Variants in RARS2 observed in about 807,000 individuals in gnomAD.
The protein encoded by RARS2 is arginyl-tRNA synthetase 2, mitochondrial, also known as probable arginine--tRNA ligase, mitochondrial.
A neutral mutation model predicts 88.5 loss-of-function variants in RARS2; 67 were observed. The observed-to-expected ratio is 0.76, with a 90% confidence interval of 0.62 to 0.93. The LOEUF is 0.93. Ranked by LOEUF, RARS2 falls within the 40% of genes least tolerant of loss-of-function variation. The pLI is 0.00. For missense variants in RARS2, 664 were observed against 684.2 expected, an observed-to-expected ratio of 0.97 and a Z score of 0.33; for synonymous variants, 239 against 230.3, an observed-to-expected ratio of 1.04 and a Z score of -0.34.
intron 1 of RARS2, among the ~76,000 whole-genome samples, chr6:87,581,129 C>G (rs1382571922): frequency 1.3e-5 from 2 of 152,146 alleles, no homozygotes; most frequent in Admixed American, 6.5e-5. Context: ...AAAATATTCT[C>G]AGTCTGGCTC....
intron 13 of RARS2, 147 bp from the exon 14 acceptor site, chr6:87,519,854 C>T: frequency 1.0e-6 from 1 of 955,970 alleles, no homozygotes; most frequent in Non-Finnish European, 1.6e-6. Flanking sequence ...GATTTGTATG[C>T]TACAAAGGAC....
Position 87,569,546 on chromosome 6 carries a change from T to C in RARS2, c.81A>G (p.Ser27=), listed in dbSNP as rs1768961409. 1.2e-6 allele frequency: 2 copies of C among 1,605,786 alleles called. No homozygotes were observed. Among genetic ancestry groups the C allele is most frequent in the African/African-American group, 2.7e-5 (2 of 74,686 alleles). Residue 27 remains serine (S), a synonymous_variant, in exon 2 of 20, where the codon TCA becomes TCG. Coordinates refer to ENST00000369536, the MANE Select transcript of RARS2 (RefSeq NM_020320.5). The part of the protein sequence containing the change: ...LNLPPENLIT[S]ISAVPISQKE... Reference sequence around the variant, plus strand: ...TTTGGGAAATTGGAACTGCAGATATTGATGTGATCAAGTTTTCTGGTGGAA... The same window carrying C: ...TTTGGGAAATTGGAACTGCAGATATCGATGTGATCAAGTTTTCTGGTGGAA...
In RARS2 at chr6:87,542,054, C is replaced by T. The variant is rs539113917; in HGVS notation, c.536-60G>A. 1.7e-4 allele frequency: 213 copies of T among 1,284,350 alleles called. 3 individuals carry two copies. The highest frequency in any genetic ancestry group is 1.3e-3 in the Middle Eastern group (7 of 5,436). The allele number at this position is 1,284,350 out of a possible 1,614,324, so 79.6% of individuals were successfully genotyped here. ...GTTGAACAACAGAGAATAGGCATGA[C>T]AGGGAATAGGTATAATTCTATAAAA... On this transcript the variant is annotated intron_variant, in intron 7 of 19. Transcript: ENST00000369536.
chr6:87,546,655 T>C (rs1782707055), intron 6 of RARS2, among the ~76,000 whole-genome samples: 1 of 152,192 alleles, frequency 6.6e-6, no homozygotes, highest in Non-Finnish European at 1.5e-5. Context: ...TGGGAGTTAT[T>C]TATGTCAGCT....
At chr6:87,515,246 G>A (rs1771182114) in intron 18 of RARS2, among the ~76,000 whole-genome samples, 1 of 152,196 alleles carries the variant, frequency 6.6e-6, no homozygotes, top group Non-Finnish European at 1.5e-5. Flanking sequence ...ATTTCGCAGG[G>A]CGCAGTGGCT....
chr6:87,577,324 T>C (rs1243057079), intron 1 of RARS2, among the ~76,000 whole-genome samples: 2 of 152,148 alleles, frequency 1.3e-5, no homozygotes, highest in African/African-American at 4.8e-5. Flanking sequence ...CCTGAGTAGC[T>C]GGGACTACAG....
intron 12 of RARS2, 92 bp from the exon 13 acceptor site, chr6:87,520,348 T>C: frequency 2.0e-6 from 2 of 1,018,228 alleles, no homozygotes; most frequent in Non-Finnish European, 3.0e-6. Context: ...ATATTTGAGG[T>C]CTGACAGACT....
intron 4 of RARS2, among the ~76,000 whole-genome samples, chr6:87,556,803 A>AAG (rs1348301557): frequency 1.3e-5 from 2 of 148,902 alleles, no homozygotes; most frequent in Non-Finnish European, 3.0e-5. Flanking sequence ...AAAAAAAAAA[A>AAG]AAAAAATTTT....
At chr6:87,569,685 T>C in intron 1 of RARS2, 95 bp from the exon 2 acceptor site, 3 of 947,282 alleles carry the variant, frequency 3.2e-6, no homozygotes, top group Middle Eastern at 2.5e-4. Flanking sequence ...TTAATACACT[T>C]AACACGAATG....
At chr6:87,546,072 A>G (rs1562154839) in intron 6 of RARS2, among the ~76,000 whole-genome samples, 1 of 151,834 alleles carries the variant, frequency 6.6e-6, no homozygotes, top group Non-Finnish European at 1.5e-5. Flanking sequence ...CCGAAGCCTC[A>G]CTGTTGTATT....
intron 8 of RARS2, among the ~76,000 whole-genome samples, chr6:87,531,654 T>A (rs1214023372): frequency 6.6e-6 from 1 of 152,206 alleles, no homozygotes; most frequent in African/African-American, 2.4e-5. Flanking sequence ...GCTGGTTTAG[T>A]TCCATACTCA....
At chr6:87,527,843 A>G (rs886654181) in intron 10 of RARS2, among the ~76,000 whole-genome samples, 5 of 152,208 alleles carry the variant, frequency 3.3e-5, no homozygotes, top group South Asian at 2.1e-4. Context: ...ATTCTCACTT[A>G]TAAGTGGGAG....
intron 1 of RARS2, among the ~76,000 whole-genome samples, chr6:87,582,247 TCCA>T (rs1230342962): frequency 1.3e-5 from 2 of 152,190 alleles, no homozygotes; most frequent in Non-Finnish European, 2.9e-5. Flanking sequence ...TTCCTATTTC[TCCA>T]CAATCTCACC....
At chr6:87,519,051 G>GA (rs1471926529) in intron 14 of RARS2, 160 bp from the exon 15 acceptor site, 2 of 720,184 alleles carry the variant, frequency 2.8e-6, no homozygotes, top group Non-Finnish European at 4.9e-6. Context: ...CTTTGATAAT[G>GA]ACATTTCCCC....
intron 10 of RARS2, among the ~76,000 whole-genome samples, chr6:87,529,111 C>T (rs1484105173): frequency 6.6e-6 from 1 of 152,138 alleles, no homozygotes; most frequent in African/African-American, 2.4e-5. Flanking sequence ...GCCCCTACTT[C>T]CTGTTTTCAT....
chr6:87,528,944 T>C (rs1235887477), intron 10 of RARS2, among the ~76,000 whole-genome samples: 1 of 152,338 alleles, frequency 6.6e-6, no homozygotes, highest in East Asian at 1.9e-4. Context: ...TTTCACAGTG[T>C]GCATATATCA....
intron 1 of RARS2, among the ~76,000 whole-genome samples, chr6:87,575,647 C>G (rs530630111): frequency 1.3e-5 from 2 of 151,972 alleles, no homozygotes; most frequent in South Asian, 4.2e-4. Context: ...ACTGTGGCAG[C>G]TGGAATCAGA....
chr6:87,529,839 T>C (rs1230884058), intron 9 of RARS2, among the ~76,000 whole-genome samples, 191 bp from the exon 10 acceptor site: 1 of 151,952 alleles, frequency 6.6e-6, no homozygotes, highest in Non-Finnish European at 1.5e-5. Flanking sequence ...GAGGATCACT[T>C]GCGCCCAGGA....
At chr6:87,544,213 TCTGA>T (rs1301086849) in intron 7 of RARS2, among the ~76,000 whole-genome samples, 1 of 152,206 alleles carries the variant, frequency 6.6e-6, no homozygotes, top group Non-Finnish European at 1.5e-5. Flanking sequence ...ATCTATTAAG[TCTGA>T]CTATTGAGCC....
Sources: allele counts gnomAD v4.1 joint callset (sites outside exome capture counted in the v4.1 genomes callset), GRCh38; gene constraint gnomAD v4.1.1; transcripts MANE v1.5; gene names NCBI Gene and HGNC (gene_info 2026-07-23, HGNC 2026-07-21).